The following C1QTNF3 variants were observed in gnomAD, a reference collection of about 807,000 sequenced individuals.
C1QTNF3 encodes complement C1q tumor necrosis factor-related protein 3.
In C1QTNF3, 26 loss-of-function variants were observed where a neutral mutation model predicts 32.6. The ratio of observed to expected loss-of-function variants is 0.80; its 90% CI spans 0.58 to 1.11. C1QTNF3 has a LOEUF of 1.11. Ranked by LOEUF, C1QTNF3 falls within the 50% of genes least tolerant of loss-of-function variation. The pLI is 0.00. For missense variants in C1QTNF3, 362 were observed against 398.2 expected (o/e 0.91, Z 0.77); for synonymous variants, 155 against 146.0 (o/e 1.06, Z -0.44).
chr5:34,213,794 T>TATATAC, the C1QTNF3 span, among the ~76,000 whole-genome samples: 1 of 5,080 alleles, frequency 2.0e-4, no homozygotes, highest in Non-Finnish European at 7.2e-4. Context: ...TACATATATA[T>TATATAC]ATATATATAT....
At chr5:34,085,115 T>C in the C1QTNF3 span, among the ~76,000 whole-genome samples, 1,727 of 147,882 alleles carry the variant, frequency 0.012, 15 homozygotes, top group South Asian at 0.029. Flanking sequence ...CTCAGCCTCC[T>C]GAGTAGCTGG....
the C1QTNF3 span, among the ~76,000 whole-genome samples, chr5:34,227,704 A>C: frequency 3.9e-5 from 6 of 151,940 alleles, no homozygotes; most frequent in Non-Finnish European, 7.4e-5. Flanking sequence ...GTTAACATAA[A>C]CTTTAGTCAG....
chr5:34,147,130 C>T, the C1QTNF3 span, among the ~76,000 whole-genome samples: 1 of 106,468 alleles, frequency 9.4e-6, no homozygotes, highest in Non-Finnish European at 2.3e-5. Flanking sequence ...ATGGCTATTA[C>T]TAAAAAGTAA....
At chr5:34,157,776 C>T in the C1QTNF3 span, among the ~76,000 whole-genome samples, 54 of 152,334 alleles carry the variant, frequency 3.5e-4, 1 homozygote, top group South Asian at 0.01. Flanking sequence ...AAGAGGAACA[C>T]TGCAGCCCTT....
the C1QTNF3 span, among the ~76,000 whole-genome samples, chr5:34,175,044 G>C: frequency 1.4e-5 from 2 of 144,964 alleles, no homozygotes; most frequent in Admixed American, 1.4e-4. Flanking sequence ...ACCGTGCCCA[G>C]CTCCTTTTTT....
At chr5:34,226,324 A>G in the C1QTNF3 span, among the ~76,000 whole-genome samples, 1 of 151,988 alleles carries the variant, frequency 6.6e-6, no homozygotes, top group South Asian at 2.1e-4. Flanking sequence ...TGAACAAAAA[A>G]CAGCTCAAAT....
the C1QTNF3 span, chr5:34,218,419 T>C: frequency 1.3e-5 from 2 of 151,218 alleles, no homozygotes; most frequent in African/African-American, 4.9e-5. Context: ...CTCTGTTGCA[T>C]TGTGTGGAGT....
the C1QTNF3 span, among the ~76,000 whole-genome samples, chr5:34,056,420 ATG>A: frequency 9.0e-3 from 348 of 38,670 alleles, 13 homozygotes; most frequent in African/African-American, 0.028. Context: ...ATGTATATGT[ATG>A]TGTGTGTGTG....
chr5:34,144,830 G>A, the C1QTNF3 span, among the ~76,000 whole-genome samples: 2 of 152,240 alleles, frequency 1.3e-5, no homozygotes, highest in East Asian at 3.9e-4. Context: ...CAAGAAGTTA[G>A]AAAGATCTCA....
At chr5:34,175,157 C>T in the C1QTNF3 span, among the ~76,000 whole-genome samples, 1 of 151,822 alleles carries the variant, frequency 6.6e-6, no homozygotes, top group Admixed American at 6.6e-5. Context: ...TATCCGCCTG[C>T]CTCAGCCTCC....
chr5:34,099,462 G>A, the C1QTNF3 span, among the ~76,000 whole-genome samples: 3 of 152,156 alleles, frequency 2.0e-5, no homozygotes, highest in Non-Finnish European at 2.9e-5. Context: ...GAAAAACAGT[G>A]TGAAAATGTC....
intron 1 of C1QTNF3, among the ~76,000 whole-genome samples, chr5:34,036,993 C>T (rs530773461): frequency 5.9e-5 from 9 of 152,002 alleles, no homozygotes; most frequent in Non-Finnish European, 1.2e-4. Context: ...ACTGTTTGAA[C>T]CAATGTTTAA....
the C1QTNF3 span, among the ~76,000 whole-genome samples, chr5:34,093,955 GT>G: frequency 6.6e-6 from 1 of 152,122 alleles, no homozygotes; most frequent in African/African-American, 2.4e-5. Flanking sequence ...CTCTTCAAGT[GT>G]CCATGTGCCT....
the C1QTNF3 span, among the ~76,000 whole-genome samples, chr5:34,238,986 G>A: frequency 6.6e-6 from 1 of 152,212 alleles, no homozygotes; most frequent in Non-Finnish European, 1.5e-5. Flanking sequence ...AAGAGCCTAT[G>A]TCCAACATCA....
chr5:34,174,027 C>T, the C1QTNF3 span, among the ~76,000 whole-genome samples: 3 of 152,292 alleles, frequency 2.0e-5, 1 homozygote, highest in Admixed American at 6.5e-5. Context: ...AATTAAGTTT[C>T]GATTTGGCTT....
At chr5:34,098,538 GT>G in the C1QTNF3 span, among the ~76,000 whole-genome samples, 1 of 151,974 alleles carries the variant, frequency 6.6e-6, no homozygotes, top group Non-Finnish European at 1.5e-5. Flanking sequence ...TGAGTTATTT[GT>G]TTGTATCACC....
the C1QTNF3 span, among the ~76,000 whole-genome samples, chr5:34,240,361 T>C: frequency 2.0e-5 from 3 of 151,094 alleles, no homozygotes; most frequent in African/African-American, 4.9e-5. Flanking sequence ...AAAAAAGAGA[T>C]TGATAGACCT....
At chr5:34,173,251 A>T in the C1QTNF3 span, among the ~76,000 whole-genome samples, 3 of 152,278 alleles carry the variant, frequency 2.0e-5, no homozygotes, top group African/African-American at 7.2e-5. Flanking sequence ...ATTTTGCCAG[A>T]AGCCCAGCAC....
At chr5:34,169,895 T>C in the C1QTNF3 span, among the ~76,000 whole-genome samples, 1 of 152,078 alleles carries the variant, frequency 6.6e-6, no homozygotes, top group African/African-American at 2.4e-5. Flanking sequence ...CTAAAAATAA[T>C]AGAATTACCA....
Sources: allele counts gnomAD v4.1 joint callset (sites outside exome capture counted in the v4.1 genomes callset), GRCh38; gene constraint gnomAD v4.1.1; transcripts MANE v1.5; gene names NCBI Gene and HGNC (gene_info 2026-07-23, HGNC 2026-07-21).